CACNA2D3: variants seen among roughly 807,000 people sequenced by gnomAD.
The protein encoded by CACNA2D3 is voltage-dependent calcium channel subunit alpha-2/delta-3.
A neutral mutation model predicts 160.6 loss-of-function variants in CACNA2D3; 60 were observed. The ratio of observed to expected loss-of-function variants is 0.37; its 90% confidence interval spans 0.30 to 0.46. The LOEUF is 0.46. Among genes scored for constraint, CACNA2D3 ranks in the 20% least tolerant of loss-of-function variants. The probability of loss-of-function intolerance (pLI) is 1.00; values close to 1 mark genes in which losing one functional copy is unlikely to be tolerated. For missense variants in CACNA2D3, 1,205 were observed against 1,365.0 expected (o/e 0.88, Z 1.85); for synonymous variants, 558 against 492.9 (o/e 1.13, Z -1.75).
chr3:54,292,494 A>G (rs931267704), intron 2 of CACNA2D3, among the ~76,000 whole-genome samples: 1 of 152,214 alleles, frequency 6.6e-6, no homozygotes, highest in African/African-American at 2.4e-5. Context: ...AAGACAACAC[A>G]ATTTAAAAAT....
At chr3:54,363,309 A>C (rs1029569176) in intron 3 of CACNA2D3, among the ~76,000 whole-genome samples, 1 of 152,158 alleles carries the variant, frequency 6.6e-6, no homozygotes, top group African/African-American at 2.4e-5. Flanking sequence ...AAACAAAAAA[A>C]CCAAAAGCTG....
At chr3:54,736,388 CT>C (rs1186888169) in intron 11 of CACNA2D3, among the ~76,000 whole-genome samples, 1 of 151,830 alleles carries the variant, frequency 6.6e-6, no homozygotes, top group Non-Finnish European at 1.5e-5. Context: ...TAAATTCTTT[CT>C]GCTAAATCTT....
intron 2 of CACNA2D3, among the ~76,000 whole-genome samples, chr3:54,253,126 CA>C (rs1240323456): frequency 7.2e-6 from 1 of 138,786 alleles, no homozygotes; most frequent in Non-Finnish European, 1.5e-5. Context: ...TTTTTTTGCT[CA>C]GATCATCTTT....
intron 2 of CACNA2D3, among the ~76,000 whole-genome samples, chr3:54,317,807 G>A (rs1703900181): frequency 6.6e-6 from 1 of 152,114 alleles, no homozygotes; most frequent in African/African-American, 2.4e-5. Context: ...CCAAAGTGCT[G>A]GGATTACAGG....
At chr3:54,300,446 T>G (rs947703626) in intron 2 of CACNA2D3, among the ~76,000 whole-genome samples, 2 of 152,268 alleles carry the variant, frequency 1.3e-5, no homozygotes, top group African/African-American at 4.8e-5. Flanking sequence ...TATTTTCTAA[T>G]GCTCTATAGC....
intron 13 of CACNA2D3, among the ~76,000 whole-genome samples, chr3:54,769,304 C>A (rs983940296): frequency 1.3e-5 from 2 of 152,102 alleles, no homozygotes; most frequent in Non-Finnish European, 2.9e-5. Flanking sequence ...GGTGACCCAG[C>A]TTGCAGTAAT....
At chr3:55,066,071 G>A (rs1704629143) in intron 35 of CACNA2D3, among the ~76,000 whole-genome samples, 1 of 152,168 alleles carries the variant, frequency 6.6e-6, no homozygotes, top group Non-Finnish European at 1.5e-5. Flanking sequence ...CCAAATGTTT[G>A]CTCTCAACTT....
At chr3:54,876,580 C>T (rs1477266581) in intron 18 of CACNA2D3, among the ~76,000 whole-genome samples, 1 of 152,180 alleles carries the variant, frequency 6.6e-6, no homozygotes, top group East Asian at 1.9e-4. Context: ...TATATTAATG[C>T]TATAAAGTAT....
intron 4 of CACNA2D3, among the ~76,000 whole-genome samples, chr3:54,478,936 G>GTA (rs533009594): frequency 1.4e-3 from 208 of 151,384 alleles, no homozygotes; most frequent in African/African-American, 4.6e-3. Context: ...TCATTGATAT[G>GTA]TATATATATA....
At chr3:54,388,125 A>G (rs542291233) in intron 4 of CACNA2D3, among the ~76,000 whole-genome samples, 1 of 152,220 alleles carries the variant, frequency 6.6e-6, no homozygotes, top group Admixed American at 6.5e-5. Flanking sequence ...GTTCAGATAG[A>G]CCAAAAGGCA....
At chr3:54,310,079 A>G (rs893855809) in intron 2 of CACNA2D3, among the ~76,000 whole-genome samples, 7 of 152,040 alleles carry the variant, frequency 4.6e-5, no homozygotes, top group South Asian at 2.1e-4. Context: ...CTAGATCTGG[A>G]AGAGCACAGC....
chr3:54,149,879 A>ATC (rs1700105990), intron 2 of CACNA2D3, among the ~76,000 whole-genome samples: 6 of 91,186 alleles, frequency 6.6e-5, no homozygotes, highest in Admixed American at 1.2e-4. Flanking sequence ...GTCCTGAAGT[A>ATC]TCTGTCTCTC....
intron 11 of CACNA2D3, among the ~76,000 whole-genome samples, chr3:54,658,489 C>T (rs1699912402): frequency 6.6e-6 from 1 of 152,156 alleles, no homozygotes. Context: ...GGAGAAATGC[C>T]TATTCAGGTT....
At chr3:54,786,869 A>G (rs933781098) in intron 13 of CACNA2D3, among the ~76,000 whole-genome samples, 2 of 152,180 alleles carry the variant, frequency 1.3e-5, no homozygotes, top group African/African-American at 4.8e-5. Context: ...CACATGCCCA[A>G]TACTCCTATA....
chr3:55,000,754 T>C (rs1702963840), intron 31 of CACNA2D3, among the ~76,000 whole-genome samples: 1 of 152,084 alleles, frequency 6.6e-6, no homozygotes, highest in Admixed American at 6.5e-5. Context: ...GCTGTTCCAG[T>C]CTGGCCTGGT....
At chr3:54,560,933 A>C (rs566679491) in intron 5 of CACNA2D3, among the ~76,000 whole-genome samples, 1 of 152,144 alleles carries the variant, frequency 6.6e-6, no homozygotes, top group South Asian at 2.1e-4. Flanking sequence ...CCATTGGTCT[A>C]TGTATCTGTT....
intron 4 of CACNA2D3, among the ~76,000 whole-genome samples, chr3:54,477,757 C>T (rs1018085112): frequency 6.6e-6 from 1 of 152,126 alleles, no homozygotes; most frequent in Non-Finnish European, 1.5e-5. Flanking sequence ...CAGATTTCTC[C>T]TAGAGAAATT....
At chr3:54,867,467 A>G (rs1162148628) in intron 17 of CACNA2D3, among the ~76,000 whole-genome samples, 2 of 151,880 alleles carry the variant, frequency 1.3e-5, no homozygotes, top group African/African-American at 4.8e-5. Flanking sequence ...AAATAAAGGA[A>G]CTAAATATAT....
At chr3:54,995,141 T>G (rs1702827627) in intron 31 of CACNA2D3, among the ~76,000 whole-genome samples, 1 of 152,036 alleles carries the variant, frequency 6.6e-6, no homozygotes, top group Admixed American at 6.5e-5. Flanking sequence ...GCCCAGTTAA[T>G]TTCTGTATTT....
Sources: gnomAD v4.1 joint callset for allele counts (sites outside exome capture counted in the v4.1 genomes callset) on GRCh38, gnomAD v4.1.1 for gene constraint, MANE v1.5 for transcripts, NCBI Gene and HGNC (gene_info 2026-07-23, HGNC 2026-07-21) for gene names.